Variants in CLEC16A observed in about 807,000 individuals in gnomAD.
The protein encoded by CLEC16A is C-type lectin domain containing 16A.
In CLEC16A, 51 loss-of-function variants were observed where a neutral mutation model predicts 109.5. The ratio of observed to expected loss-of-function variants is 0.47; its 90% confidence interval spans 0.37 to 0.59. The LOEUF (loss-of-function observed/expected upper bound fraction) is 0.59. Among genes scored for constraint, CLEC16A ranks in the 20% least tolerant of loss-of-function variants. The pLI, the probability that CLEC16A is intolerant of heterozygous loss-of-function variation, is 0.00. For synonymous variants in CLEC16A, 673 were observed against 564.2 expected (o/e 1.19, Z -2.73); for missense variants, 1,339 against 1,394.0 (o/e 0.96, Z 0.63).
At chr16:10,969,131 T>C in intron 3 of CLEC16A, 30 bp from the exon 4 acceptor site, 1 of 1,582,616 alleles carries the variant, frequency 6.3e-7, no homozygotes, top group Non-Finnish European at 8.6e-7. Flanking sequence ...CCAGCATGAG[T>C]TAACCTGTTT....
At chr16:11,153,290 C>T (rs568641248) in intron 22 of CLEC16A, among the ~76,000 whole-genome samples, 11 of 151,996 alleles carry the variant, frequency 7.2e-5, no homozygotes, top group Middle Eastern at 3.2e-3. Flanking sequence ...AGGTAGTCCC[C>T]GTGCCAGCAG....
chr16:11,172,781 C>T (rs1192167043), intron 23 of CLEC16A, among the ~76,000 whole-genome samples: 1 of 151,906 alleles, frequency 6.6e-6, no homozygotes, highest in African/African-American at 2.4e-5. Flanking sequence ...CCCAGCTACT[C>T]GGGAGGCTGA....
At chr16:11,055,649 A>G (rs1458954910) in intron 18 of CLEC16A, among the ~76,000 whole-genome samples, 5 of 120,766 alleles carry the variant, frequency 4.1e-5, no homozygotes, top group Admixed American at 2.3e-4. Context: ...GTGCAGTGGC[A>G]TGATCTCGGC....
intron 22 of CLEC16A, among the ~76,000 whole-genome samples, chr16:11,131,584 A>C (rs34342224): frequency 0.044 from 6,711 of 152,302 alleles, 192 homozygotes; most frequent in Non-Finnish European, 0.064. Context: ...GCAGGTTGAC[A>C]TCTCCTGGCC....
chr16:10,966,739 A>G (rs1257380017), intron 3 of CLEC16A, among the ~76,000 whole-genome samples: 2 of 152,306 alleles, frequency 1.3e-5, no homozygotes, highest in African/African-American at 4.8e-5. Context: ...TTACAAAACC[A>G]TCACATCTCG....
At chr16:11,062,386 T>C (rs980631884) in intron 19 of CLEC16A, among the ~76,000 whole-genome samples, 2 of 152,208 alleles carry the variant, frequency 1.3e-5, no homozygotes, top group Non-Finnish European at 2.9e-5. Flanking sequence ...AGAGTTGTGA[T>C]CTAGACCCTG....
chr16:11,141,289 G>A (rs957572595), intron 22 of CLEC16A, among the ~76,000 whole-genome samples: 3 of 152,258 alleles, frequency 2.0e-5, no homozygotes, highest in Non-Finnish European at 4.4e-5. Flanking sequence ...TCTCTGGCAT[G>A]GTTCCTTCTT....
intron 10 of CLEC16A, among the ~76,000 whole-genome samples, chr16:10,996,789 G>C (rs2044356258): frequency 6.6e-6 from 1 of 152,170 alleles, no homozygotes; most frequent in Admixed American, 6.5e-5. Flanking sequence ...GGCGTGGACT[G>C]TGGGCTCTGA....
intron 3 of CLEC16A, among the ~76,000 whole-genome samples, chr16:10,965,269 G>A (rs959226838): frequency 1.3e-5 from 2 of 152,196 alleles, no homozygotes; most frequent in Non-Finnish European, 2.9e-5. Flanking sequence ...ATCATTGCAC[G>A]TTTACAGAAC....
intron 13 of CLEC16A, 116 bp downstream of exon 13, chr16:11,025,037 G>A (rs936802674): frequency 4.0e-6 from 3 of 749,286 alleles, no homozygotes; most frequent in Non-Finnish European, 6.7e-6. Context: ...TTTCCTTTCT[G>A]GTTTTGGTGG....
At chr16:11,001,557 T>C (rs967243139) in intron 10 of CLEC16A, among the ~76,000 whole-genome samples, 10 of 152,212 alleles carry the variant, frequency 6.6e-5, no homozygotes, top group African/African-American at 2.4e-4. Context: ...ACCTTTCTGC[T>C]CCTCTATTTT....
intron 10 of CLEC16A, among the ~76,000 whole-genome samples, chr16:10,987,562 G>C (rs1016115318): frequency 6.6e-6 from 1 of 152,170 alleles, no homozygotes; most frequent in Non-Finnish European, 1.5e-5. Flanking sequence ...GTAGCGTGGA[G>C]GGAATTGCTA....
intron 15 of CLEC16A, among the ~76,000 whole-genome samples, chr16:11,043,472 CT>C (rs2047459426): frequency 6.6e-6 from 1 of 152,232 alleles, no homozygotes; most frequent in African/African-American, 2.4e-5. Context: ...CCCCAATTAA[CT>C]GTATATTAAC....
In CLEC16A at chr16:11,178,019, A is replaced by G. The variant is rs2068827042; in HGVS notation, c.2807-316A>G. Among the ~76,000 whole-genome samples the G allele has an allele frequency of 6.6e-6, 1 of 152,220 alleles. No individual in the cohort carries two copies. The highest frequency in any genetic ancestry group is 2.4e-5 in the African/African-American group (1 of 41,462). On this transcript the variant is annotated intron_variant, in intron 23 of 23. Transcript: ENST00000409790. The surrounding 1 kb of genome is among the most constrained non-coding windows in gnomAD (Gnocchi z 6.5). ...GATTTGCCCACACATAAAGCCTGTC[A>G]GCTGGGTCTCTGCACCCAGGAACTG...
intron 11 of CLEC16A, among the ~76,000 whole-genome samples, chr16:11,014,997 A>C (rs1198457076): frequency 6.6e-6 from 1 of 152,202 alleles, no homozygotes; most frequent in African/African-American, 2.4e-5. Flanking sequence ...CTTTCCCCCA[A>C]AAACCTGCTA....
intron 23 of CLEC16A, 47 bp downstream of exon 23, chr16:11,166,599 G>A (rs201977698): frequency 1.2e-4 from 185 of 1,508,772 alleles, no homozygotes; most frequent in Admixed American, 4.2e-4. Context: ...GGAGAACCCC[G>A]TGATCCCTCA....
chr16:11,027,665 C>T (rs1055126694), intron 13 of CLEC16A: 64 of 1,550,480 alleles, frequency 4.1e-5, no homozygotes, highest in Non-Finnish European at 5.4e-5. Context: ...TCTCAGTGGC[C>T]CATCATGCTA....
intron 12 of CLEC16A, among the ~76,000 whole-genome samples, chr16:11,022,524 C>T (rs2046170897): frequency 2.0e-5 from 3 of 151,740 alleles, no homozygotes; most frequent in Non-Finnish European, 4.4e-5. Flanking sequence ...GGTCCACTTG[C>T]CCCAAGAAAC....
chr16:11,141,555 G>T (rs1318764273), intron 22 of CLEC16A, among the ~76,000 whole-genome samples: 1 of 152,262 alleles, frequency 6.6e-6, no homozygotes, highest in African/African-American at 2.4e-5. Context: ...CATTCTGCGT[G>T]CTCTGGGTGG....
Sources: gnomAD v4.1 joint callset for allele counts (sites outside exome capture counted in the v4.1 genomes callset) on GRCh38, gnomAD v4.1.1 for gene constraint, Gnocchi (gnomAD v3.1) non-coding constraint, MANE v1.5 for transcripts, NCBI Gene and HGNC (gene_info 2026-07-23, HGNC 2026-07-21) for gene names.